Variants in MTMR4 observed in about 807,000 individuals in gnomAD.
MTMR4 encodes the protein phosphatidylinositol-3,5-bisphosphate 3-phosphatase MTMR4.
Under a neutral mutation model 125.5 loss-of-function variants are expected in MTMR4, and 30 were observed. The ratio of observed to expected loss-of-function variants is 0.24; its 90% confidence interval spans 0.18 to 0.32. MTMR4 has a LOEUF of 0.32. Among genes scored for constraint, MTMR4 ranks in the 10% least tolerant of loss-of-function variants. The pLI, the probability that MTMR4 is intolerant of heterozygous loss-of-function variation, is 1.00. For missense variants in MTMR4, 1,039 were observed against 1,511.5 expected (o/e 0.69, Z 5.18); for synonymous variants, 498 against 564.5 (o/e 0.88, Z 1.67).
chr17:58,494,812 T>C, intron 15 of MTMR4, 120 bp downstream of exon 15: 1 of 864,076 alleles, frequency 1.2e-6, no homozygotes, highest in African/African-American at 1.7e-5. Flanking sequence ...TTTTTCATCC[T>C]ATAGCCCAGG....
chr17:58,494,236 C>T lies in MTMR4; in HGVS notation c.3252+696G>A, dbSNP rs1470342168. ...TCAGGAGGCTGAGGCAGGAGAATGGCGTGAACCCGGGAGGGCGGAGGTTGC... is the reference window on the plus strand; with the variant it reads ...TCAGGAGGCTGAGGCAGGAGAATGGTGTGAACCCGGGAGGGCGGAGGTTGC... On this transcript the variant is annotated intron_variant, in intron 15 of 17. Coordinates refer to ENST00000682306, the MANE Select transcript of MTMR4 (RefSeq NM_001378067.1). 4.7e-5 allele frequency among the ~76,000 whole-genome samples: 7 copies of T among 148,344 alleles called. No homozygotes were observed. The East Asian group carries it at 1.2e-3, about 26-fold the overall frequency.
intron 14 of MTMR4, among the ~76,000 whole-genome samples, chr17:58,501,662 AC>A (rs1832393060): frequency 6.6e-6 from 1 of 151,496 alleles, no homozygotes; most frequent in African/African-American, 2.4e-5. Context: ...GGATATATAT[AC>A]ATATATGTGT....
At position 58,489,992 on chromosome 17, in the gene MTMR4, A is replaced by T. The variant is rs1212488660; in HGVS notation, c.*1671T>A. On this transcript the variant is annotated 3_prime_UTR_variant, in exon 18 of 18. Coordinates refer to ENST00000682306, the MANE Select transcript of MTMR4 (RefSeq NM_001378067.1). ...TGCAGACACAAAATCTCCATTATTC[A>T]GCTCCATTTAAATGAAAAAAAAAGT... 2.6e-5 allele frequency: 4 copies of T among 152,664 alleles called. No individual in the cohort carries two copies. Among genetic ancestry groups the T allele is most frequent in the Non-Finnish European group, 5.9e-5 (4 of 68,048 alleles). The allele number at this position is 152,664 out of a possible 1,614,324, so 9.5% of individuals were successfully genotyped here. A position where few individuals can be genotyped will look rare whatever the true frequency, so the allele number is the denominator to read the frequency against.
At chr17:58,499,934 G>T (rs1975576659) in intron 14 of MTMR4, among the ~76,000 whole-genome samples, 1 of 151,514 alleles carries the variant, frequency 6.6e-6, no homozygotes, top group African/African-American at 2.4e-5. Flanking sequence ...CCAGCCATTT[G>T]TCCAGTTTTA....
At chr17:58,511,387 G>C (rs750166812) in intron 4 of MTMR4, 42 bp downstream of exon 4, 1 of 1,540,258 alleles carries the variant, frequency 6.5e-7, no homozygotes, top group Non-Finnish European at 8.9e-7. Context: ...AACTGGACAA[G>C]ACTAGGGCCA....
intron 14 of MTMR4, among the ~76,000 whole-genome samples, chr17:58,496,885 C>A (rs1419800586): frequency 2.0e-5 from 3 of 152,158 alleles, no homozygotes; most frequent in African/African-American, 7.2e-5. Flanking sequence ...TATGAGAATT[C>A]AAAATACAGG....
chr17:58,496,110 GA>G lies in MTMR4; in HGVS notation c.2073del (p.Pro692LeufsTer10). ...QQTVGEVGLP[P>X]PLPSSQKDYL... ...TAGTCTTTCTGGCTGCTGGGCAGAG[GA>G]GGAGGAAGACCCACTTCTCCTACAG... On this transcript the variant is annotated frameshift_variant, in exon 15 of 18. Transcript: ENST00000682306. LOFTEE classifies it high-confidence loss of function. 1 of 1,614,166 alleles carries G rather than the reference GA, an allele frequency of 6.2e-7. No individual in the cohort carries two copies. Among genetic ancestry groups the G allele is most frequent in the Non-Finnish European group, 8.5e-7 (1 of 1,180,008 alleles).
intron 3 of MTMR4, 33 bp from the exon 4 acceptor site, chr17:58,511,544 C>G: frequency 1.3e-6 from 2 of 1,578,048 alleles, no homozygotes; most frequent in Non-Finnish European, 1.7e-6. Flanking sequence ...AGCTCAGACT[C>G]CCCACTGGGT....
chr17:58,514,330 T>C, intron 1 of MTMR4, 33 bp downstream of exon 1: 1 of 988,210 alleles, frequency 1.0e-6, no homozygotes, highest in South Asian at 4.6e-5. Flanking sequence ...TGCGGGTGCC[T>C]CCTAGGCCCC....
intron 4 of MTMR4, among the ~76,000 whole-genome samples, chr17:58,509,672 G>A (rs777022177): frequency 5.9e-5 from 9 of 151,752 alleles, no homozygotes; most frequent in South Asian, 2.1e-4. Flanking sequence ...CTCCTCCCTC[G>A]GCCTCCCAAA....
chr17:58,516,718 T>C, upstream of MTMR4: 2 of 1,050,202 alleles, frequency 1.9e-6, no homozygotes, highest in Admixed American at 1.8e-5. Context: ...TCTACAACTC[T>C]TATTCTTCTC....
In MTMR4 at chr17:58,508,409, T is replaced by C; in HGVS notation, c.593+59A>G. On this transcript the variant is annotated intron_variant, in intron 6 of 17. Coordinates refer to ENST00000682306, the MANE Select transcript of MTMR4 (RefSeq NM_001378067.1). The surrounding 1 kb of genome is among the most constrained non-coding windows in gnomAD (Gnocchi z 4.8). ...GACTCAGAAGCTGTGCCCACCACAC[T>C]TTATCCAAACACGGAAGTAGTTTGG... is the stretch of plus-strand genomic sequence containing the variant. The C allele has an allele frequency of 6.3e-7, 1 of 1,590,190 alleles. No homozygotes were observed. Among genetic ancestry groups the C allele is most frequent in the Non-Finnish European group, 8.6e-7 (1 of 1,158,324 alleles).
chr17:58,493,025 T>C (rs1598210200), intron 15 of MTMR4, 73 bp from the exon 16 acceptor site: 3 of 1,180,974 alleles, frequency 2.5e-6, no homozygotes, highest in East Asian at 2.3e-5. Flanking sequence ...TGTCAGGCAC[T>C]GTGCTAAGTG....
At position 58,490,214 on chromosome 17, in the gene MTMR4, G is replaced by T. The variant is rs1975282032; in HGVS notation, c.*1449C>A. The T allele has an allele frequency of 6.6e-6, 1 of 152,340 alleles. No homozygotes were observed. Among genetic ancestry groups the T allele is most frequent in the South Asian group, 2.1e-4 (1 of 4,822 alleles). 9.4% of individuals were successfully genotyped at this position (152,340 alleles called of 1,614,324 possible). A position where few individuals can be genotyped will look rare whatever the true frequency, so the allele number is the denominator to read the frequency against. Reference sequence around the variant, plus strand: ...ACATGAAAGTAGCAGTAAGAAAGATGACTACCATCATTTCAAAACAGGATA... The same window carrying T: ...ACATGAAAGTAGCAGTAAGAAAGATTACTACCATCATTTCAAAACAGGATA... On this transcript the variant is annotated 3_prime_UTR_variant, in exon 18 of 18. Transcript: ENST00000682306.
chr17:58,508,775 T>C lies in MTMR4; in HGVS notation c.402A>G (p.Arg134=), dbSNP rs768711573. Residue 134 remains arginine, a synonymous_variant, in exon 5 of 18, where the codon AGA becomes AGG. Transcript: ENST00000682306. This position sits in a 1 kb window ranked among gnomAD's most constrained non-coding sequence, Gnocchi z 4.8. ...CAAAGAGGTCTTCAGGCTTGGCAGGTCTTGCTGTGGCTCGGCTTAGCCGTG... is the reference window on the plus strand; with the variant it reads ...CAAAGAGGTCTTCAGGCTTGGCAGGCCTTGCTGTGGCTCGGCTTAGCCGTG... ...WLSRLSRATA[R]PAKPEDLFAF... 1.2e-6 allele frequency: 2 copies of C among 1,613,948 alleles called. No individual in the cohort carries two copies. Among genetic ancestry groups the C allele is most frequent in the South Asian group, 1.1e-5 (1 of 91,076 alleles).
chr17:58,504,662 G>T lies in MTMR4; in HGVS notation c.1341+117C>A. 1 of 1,376,292 alleles carries T rather than the reference G, an allele frequency of 7.3e-7. No individual in the cohort carries two copies. 85.3% of individuals were successfully genotyped at this position (1,376,292 alleles called of 1,614,324 possible). On this transcript the variant is annotated intron_variant, in intron 11 of 17. Coordinates refer to ENST00000682306, the MANE Select transcript of MTMR4 (RefSeq NM_001378067.1). The surrounding 1 kb of genome is among the most constrained non-coding windows in gnomAD (Gnocchi z 7.1). ...AGCCTTTGGGAGTTGGAAAAAAAAA[G>T]AAAAAAAGAGCCACCAATGTCCTCT...
chr17:58,510,719 C>T (rs1246621520), intron 4 of MTMR4: 2 of 151,980 alleles, frequency 1.3e-5, no homozygotes, highest in Non-Finnish European at 2.9e-5. Context: ...AGCGATCTCC[C>T]CACGCATCAC....
In MTMR4 at chr17:58,490,203, G is replaced by GTCT. The variant is rs1975281675; in HGVS notation, c.*1459_*1460insAGA. ...TCTAGAAAGCAACATGAAAGTAGCA[G>GTCT]TAAGAAAGATGACTACCATCATTTC... On this transcript the variant is annotated 3_prime_UTR_variant, in exon 18 of 18. Transcript: ENST00000682306. The GTCT allele has an allele frequency of 6.6e-6, 1 of 152,384 alleles. No individual in the cohort carries two copies. Among genetic ancestry groups the GTCT allele is most frequent in the Non-Finnish European group, 1.5e-5 (1 of 68,034 alleles). The allele number at this position is 152,384 out of a possible 1,614,324, so 9.4% of individuals were successfully genotyped here.
chr17:58,509,246 C>T lies in MTMR4; in HGVS notation c.336-405G>A, dbSNP rs57833569. On this transcript the variant is annotated intron_variant, in intron 4 of 17. Transcript: ENST00000682306. ...GTTCTGCTCACATCCTTCCCATCTC[C>T]TTGGTTTATCTTCTGCTTGATAATG... 8.8e-3 allele frequency among the ~76,000 whole-genome samples: 1,326 copies of T among 151,456 alleles called. 23 individuals are homozygous for T. Among genetic ancestry groups the T allele is most frequent in the African/African-American group, 0.03 (1,227 of 41,260 alleles).
Sources: allele counts gnomAD v4.1 joint callset (sites outside exome capture counted in the v4.1 genomes callset), GRCh38; gene constraint gnomAD v4.1.1; non-coding constraint Gnocchi (gnomAD v3.1); transcripts MANE v1.5; gene names NCBI Gene and HGNC (gene_info 2026-07-23, HGNC 2026-07-21).